OGDH: variants seen among roughly 807,000 people sequenced by gnomAD.
OGDH encodes the protein 2-oxoglutarate dehydrogenase complex component E1.
OGDH carries 38 observed loss-of-function variants against 116.6 expected under a neutral mutation model. The observed-to-expected ratio is 0.33, with a 90% confidence interval of 0.25 to 0.43. OGDH has a LOEUF of 0.43. OGDH is among the 20% of genes least tolerant of loss of function. The pLI is 1.00. For synonymous variants in OGDH, 488 were observed against 533.3 expected (o/e 0.92, Z 1.17); for missense variants, 825 against 1,357.2 (o/e 0.61, Z 6.16).
At chr7:44,691,710 G>A (rs937826888) in intron 10 of OGDH, among the ~76,000 whole-genome samples, 4 of 152,022 alleles carry the variant, frequency 2.6e-5, no homozygotes, top group African/African-American at 9.7e-5. Context: ...GGGCACAGTG[G>A]CTCACGCCTG....
At chr7:44,610,932 T>C (rs1784539845) in intron 1 of OGDH, among the ~76,000 whole-genome samples, 1 of 152,178 alleles carries the variant, frequency 6.6e-6, no homozygotes, top group South Asian at 2.1e-4. Flanking sequence ...TAACGGGGTC[T>C]TTTGCAAAGC....
intron 9 of OGDH, among the ~76,000 whole-genome samples, chr7:44,677,572 G>C (rs1428983870): frequency 1.3e-5 from 2 of 152,120 alleles, no homozygotes; most frequent in East Asian, 3.8e-4. Context: ...GTCTATGTTA[G>C]AAGTGGAACC....
chr7:44,666,906 G>A (rs1458933235), intron 5 of OGDH, 55 bp downstream of exon 5: 3 of 1,080,324 alleles, frequency 2.8e-6, no homozygotes, highest in Non-Finnish European at 4.1e-6. Context: ...TGTATTGGCA[G>A]GATGGCTTTG....
At chr7:44,703,389 CAG>C (rs1458935330) in intron 20 of OGDH, among the ~76,000 whole-genome samples, 6 of 151,434 alleles carry the variant, frequency 4.0e-5, no homozygotes, top group Non-Finnish European at 7.4e-5. Flanking sequence ...GCCTGGGCAA[CAG>C]AGTAGGACTC....
At chr7:44,685,557 T>C (rs373669291) in intron 10 of OGDH, among the ~76,000 whole-genome samples, 2 of 152,226 alleles carry the variant, frequency 1.3e-5, no homozygotes, top group Non-Finnish European at 2.9e-5. Context: ...TTTCCTGTTA[T>C]GAATAATGCT....
At chr7:44,615,029 C>T (rs2117234938) in intron 1 of OGDH, among the ~76,000 whole-genome samples, 1 of 152,128 alleles carries the variant, frequency 6.6e-6, no homozygotes, top group South Asian at 2.1e-4. Context: ...AGGGCTTCAC[C>T]ATGTTGGCCA....
At chr7:44,606,979 G>A (rs1190367018) in intron 1 of OGDH, among the ~76,000 whole-genome samples, 1 of 152,184 alleles carries the variant, frequency 6.6e-6, no homozygotes, top group African/African-American at 2.4e-5. Context: ...GCGCGGCGGC[G>A]GATGTGAGGG....
At chr7:44,664,027 G>A (rs899610421) in intron 4 of OGDH, among the ~76,000 whole-genome samples, 8 of 152,116 alleles carry the variant, frequency 5.3e-5, no homozygotes, top group Non-Finnish European at 1.2e-4. Flanking sequence ...TGGTGTTGAT[G>A]TCTGTTGATT....
chr7:44,653,862 TA>T (rs1304362449), intron 4 of OGDH, among the ~76,000 whole-genome samples: 1 of 151,912 alleles, frequency 6.6e-6, no homozygotes, highest in Non-Finnish European at 1.5e-5. Context: ...TATTTTATTT[TA>T]TTTTTTTTTG....
At chr7:44,660,458 GCT>G (rs1191419508) in intron 4 of OGDH, among the ~76,000 whole-genome samples, 1 of 151,998 alleles carries the variant, frequency 6.6e-6, no homozygotes, top group African/African-American at 2.4e-5. Context: ...TCTTATTATT[GCT>G]TTCTAGTTTG....
intron 9 of OGDH, chr7:44,676,684 G>T (rs1440458966): frequency 1.1e-5 from 4 of 353,932 alleles, no homozygotes; most frequent in African/African-American, 8.9e-5. Context: ...AAACAGTCCT[G>T]CTTACAGTGT....
intron 8 of OGDH, 29 bp downstream of exon 8, chr7:44,675,297 G>C (rs1585341340): frequency 6.3e-7 from 1 of 1,578,728 alleles, no homozygotes; most frequent in African/African-American, 1.3e-5. Flanking sequence ...GACACATCCA[G>C]CATAGCCCCA....
chr7:44,670,140 G>A (rs1787369627), intron 5 of OGDH, among the ~76,000 whole-genome samples: 4 of 152,074 alleles, frequency 2.6e-5, no homozygotes, highest in Admixed American at 1.3e-4. Context: ...ACATCTCCAA[G>A]TTAATTGTTA....
At chr7:44,621,370 G>A (rs1235459850) in intron 1 of OGDH, among the ~76,000 whole-genome samples, 7 of 152,182 alleles carry the variant, frequency 4.6e-5, no homozygotes, top group African/African-American at 1.7e-4. Context: ...CACCGTGCTT[G>A]GCTTTTAATA....
At chr7:44,641,147 C>G (rs920195508) in intron 2 of OGDH, among the ~76,000 whole-genome samples, 1 of 150,908 alleles carries the variant, frequency 6.6e-6, no homozygotes, top group Non-Finnish European at 1.5e-5. Flanking sequence ...GTGATCCGCC[C>G]GCTTCAGCCT....
chr7:44,606,749 C>G (rs934384292), intron 1 of OGDH, 96 bp downstream of exon 1: 1 of 152,446 alleles, frequency 6.6e-6, no homozygotes, highest in African/African-American at 2.4e-5. Flanking sequence ...GAGGCCGCCG[C>G]GCCCTTGGTG....
chr7:44,631,876 A>C (rs115367202), intron 2 of OGDH, among the ~76,000 whole-genome samples: 1,586 of 150,330 alleles, frequency 0.011, 27 homozygotes, highest in African/African-American at 0.037. Flanking sequence ...CCGGCCCTTA[A>C]AAAGAAAAAT....
chr7:44,672,665 T>TG (rs1787519295), intron 5 of OGDH, among the ~76,000 whole-genome samples: 1 of 144,016 alleles, frequency 6.9e-6, no homozygotes, highest in Non-Finnish European at 1.5e-5. Flanking sequence ...TTTTTTGAGA[T>TG]GGAGTCTCAC....
chr7:44,617,031 A>G (rs1479193548), intron 1 of OGDH, among the ~76,000 whole-genome samples: 1 of 148,178 alleles, frequency 6.7e-6, no homozygotes, highest in Non-Finnish European at 1.5e-5. Flanking sequence ...TCCCGGGTTC[A>G]AGCAATTCTC....
Sources: gnomAD v4.1 joint callset for allele counts (sites outside exome capture counted in the v4.1 genomes callset) on GRCh38, gnomAD v4.1.1 for gene constraint, MANE v1.5 for transcripts, NCBI Gene and HGNC (gene_info 2026-07-23, HGNC 2026-07-21) for gene names.